Variants in UTP6 observed in about 807,000 individuals in gnomAD.
UTP6 encodes UTP6 small subunit processome component.
UTP6 carries 60 observed loss-of-function variants against 96.5 expected under a neutral mutation model. The ratio of observed to expected loss-of-function variants is 0.62; its 90% CI spans 0.51 to 0.77. The LOEUF is 0.77. UTP6 is among the 30% of genes least tolerant of loss of function. UTP6 has a pLI of 0.00. For synonymous variants in UTP6, 215 were observed against 240.1 expected, an observed-to-expected ratio of 0.90 and a Z score of 0.96; for missense variants, 637 against 706.5, an observed-to-expected ratio of 0.90 and a Z score of 1.12.
At chr17:31,889,495 A>AT (rs375193627) in intron 6 of UTP6, 92 bp from the exon 7 acceptor site, 44,879 of 533,828 alleles carry the variant, frequency 0.084, 163 homozygotes, top group South Asian at 0.094. Context: ...TACTCGCACA[A>AT]TTTTTTTTTT....
intron 10 of UTP6, among the ~76,000 whole-genome samples, chr17:31,882,480 C>T (rs1230196568): frequency 6.6e-6 from 1 of 151,786 alleles, no homozygotes; most frequent in Non-Finnish European, 1.5e-5. Context: ...GCCATCACAC[C>T]AAGCTGATTT....
Position 31,863,416 on chromosome 17 carries a change from T to A in UTP6, c.1737A>T (p.Gly579=). 1 of 1,614,140 alleles carries A rather than the reference T, an allele frequency of 6.2e-7. No individual in the cohort carries two copies. The highest frequency in any genetic ancestry group is 8.5e-7 in the Non-Finnish European group (1 of 1,180,028). Residue 579 remains glycine, a synonymous_variant, in exon 19 of 19, where the codon GGA becomes GGT. Transcript: ENST00000261708. ...IYWRAMKMLQ[G]ESAEAFVAKH... is the part of the protein sequence containing the mutation. ...TAGCTACAAATGCCTCTGCTGACTC[T>A]CCCTGCAACATTTTCATCGCTCGCC...
chr17:31,883,270 G>T lies in UTP6; in HGVS notation c.785+1154C>A, dbSNP rs555490142. ...ATATGAGTATAACTCTCATTTTATG[G>T]ATAAATGCCAGGAAAATAGAATTTA... On this transcript the variant is annotated intron_variant, in intron 10 of 18. Coordinates refer to ENST00000261708, the MANE Select transcript of UTP6 (RefSeq NM_018428.3). Among the ~76,000 whole-genome samples, 3 of 150,682 alleles carry T rather than the reference G, an allele frequency of 2.0e-5. No individual in the cohort carries two copies. In the South Asian group the frequency reaches 6.3e-4, roughly 31 times the overall value.
intron 10 of UTP6, among the ~76,000 whole-genome samples, chr17:31,884,004 T>TA (rs1258309728): frequency 6.7e-6 from 1 of 148,856 alleles, no homozygotes; most frequent in Non-Finnish European, 1.5e-5. Context: ...TGATATTAAT[T>TA]TTTTTTTTTT....
chr17:31,896,283 GA>G (rs1404584753), intron 2 of UTP6, among the ~76,000 whole-genome samples: 10 of 151,924 alleles, frequency 6.6e-5, no homozygotes, highest in African/African-American at 2.4e-4. Flanking sequence ...CCACCATGTT[GA>G]CCAGGCTGAT....
chr17:31,880,430 A>AC (rs1910756037), intron 11 of UTP6, 143 bp downstream of exon 11: 3 of 1,042,964 alleles, frequency 2.9e-6, no homozygotes, highest in Non-Finnish European at 4.0e-6. Flanking sequence ...CCCAATAAAA[A>AC]AAAAAAAAAA....
rs779627678 is a variant in UTP6, at chr17:31,875,278, T to G, written c.1261A>C (p.Ile421Leu). ...AAGGCTTCTTCAAAAAGCATGGCTATGTCAGGGCTCTTTGACTCGATCAGC... is the reference window on the plus strand; with the variant it reads ...AAGGCTTCTTCAAAAAGCATGGCTAGGTCAGGGCTCTTTGACTCGATCAGC... ...QVLIESKSPDIAMLFEEAFVH... is the reference protein window; with the variant it reads ...QVLIESKSPDLAMLFEEAFVH... The change falls in exon 14 of 19, where the codon ATA becomes CTA. Residue 421 changes from isoleucine (I) to leucine (L), a missense_variant. Physicochemically the swap from Ile to Leu is conservative, Grantham distance 5. Coordinates refer to ENST00000261708, the MANE Select transcript of UTP6 (RefSeq NM_018428.3). The G allele has an allele frequency of 1.2e-6, 2 of 1,614,178 alleles. No individual in the cohort carries two copies.
chr17:31,889,465 A>C (rs1465049832), intron 6 of UTP6, 62 bp from the exon 7 acceptor site: 3 of 1,327,454 alleles, frequency 2.3e-6, no homozygotes, highest in Non-Finnish European at 3.1e-6. Flanking sequence ...CAAGAAAAGA[A>C]CCAAATGATC....
intron 10 of UTP6, among the ~76,000 whole-genome samples, chr17:31,884,006 T>TC (rs1910992163): frequency 6.6e-6 from 1 of 150,634 alleles, no homozygotes; most frequent in African/African-American, 2.4e-5. Flanking sequence ...ATATTAATTT[T>TC]TTTTTTTTTT....
intron 12 of UTP6, 102 bp from the exon 13 acceptor site, chr17:31,878,429 AGAAGCT>A: frequency 2.6e-6 from 3 of 1,174,096 alleles, no homozygotes; most frequent in Non-Finnish European, 3.7e-6. Flanking sequence ...TAAAATTCAA[AGAAGCT>A]GACTTGCTCC....
chr17:31,876,254 C>G (rs1324053940), intron 13 of UTP6, among the ~76,000 whole-genome samples: 2 of 151,674 alleles, frequency 1.3e-5, no homozygotes, highest in Non-Finnish European at 2.9e-5. Context: ...CCAGGCTGGT[C>G]TTAAACTCCT....
chr17:31,890,069 C>A (rs1911400402), intron 6 of UTP6, among the ~76,000 whole-genome samples: 2 of 151,968 alleles, frequency 1.3e-5, no homozygotes, highest in Non-Finnish European at 2.9e-5. Flanking sequence ...TGCAGTGGCA[C>A]AAACAACAGC....
At chr17:31,879,996 C>T (rs1402872325) in intron 11 of UTP6, among the ~76,000 whole-genome samples, 5 of 152,160 alleles carry the variant, frequency 3.3e-5, no homozygotes, top group Middle Eastern at 3.4e-3. Flanking sequence ...ATCCCAGCTA[C>T]TCGGGAGGAT....
At position 31,863,309 on chromosome 17, in the gene UTP6, C is replaced by T. The variant is rs373358496; in HGVS notation, c.*50G>A. The stretch of plus-strand genomic sequence containing the variant: ...GATGGACTCAATACAAATTTGCCCA[C>T]GGGGCTTGCTTGCAATACTATTTCA... On this transcript the variant is annotated 3_prime_UTR_variant, in exon 19 of 19. Transcript: ENST00000261708. 103 of 1,595,992 alleles carry T rather than the reference C, an allele frequency of 6.5e-5. No individual in the cohort carries two copies. Among genetic ancestry groups the T allele is most frequent in the African/African-American group, 1.6e-4 (12 of 74,556 alleles).
chr17:31,901,662 T>G lies in UTP6; in HGVS notation c.-35A>C. The G allele has an allele frequency of 6.2e-7, 1 of 1,603,308 alleles. No individual in the cohort carries two copies. Among genetic ancestry groups the G allele is most frequent in the Non-Finnish European group, 8.5e-7 (1 of 1,173,236 alleles). On this transcript the variant is annotated 5_prime_UTR_variant, in exon 1 of 19. Transcript: ENST00000261708. ...GGTCTACAACCCCGCGGGTAGCTTC[T>G]CAACAGCGAACACGAGCAGGAAGCT...
At chr17:31,901,473 C>T in intron 1 of UTP6, 63 bp downstream of exon 1, 1 of 1,520,030 alleles carries the variant, frequency 6.6e-7, no homozygotes, top group Non-Finnish European at 9.1e-7. Flanking sequence ...CTAGCCCCTG[C>T]CACACACTCC....
At chr17:31,888,428 G>A (rs1044436545) in intron 7 of UTP6, among the ~76,000 whole-genome samples, 3 of 152,098 alleles carry the variant, frequency 2.0e-5, no homozygotes, top group Admixed American at 2.0e-4. Flanking sequence ...TTTTTCCCTG[G>A]CCGGGCATGG....
rs531125389 is a variant in UTP6, at chr17:31,891,884, G to A, written c.424+376C>T. Among the ~76,000 whole-genome samples the A allele has an allele frequency of 1.3e-4, 20 of 152,278 alleles. No individual in the cohort carries two copies. In the South Asian group the frequency reaches 3.7e-3, roughly 28 times the overall value. ...CTAAAAATACAAAAATTAGCTGGGC[G>A]TGGTGGCGGGCACCTGTAATCCCAC... On this transcript the variant is annotated intron_variant, in intron 6 of 18. Transcript: ENST00000261708.
Position 31,863,497 on chromosome 17 carries a change from C to T in UTP6, c.1656G>A (p.Met552Ile). ...SADSDLWMDY[M>I]KEELNHPLGR... ...CAAGGGGGTGGTTCAATTCTTCTTT[C>T]ATATAATCCATCCAAAGATCTTTTA... Residue 552 changes from methionine (M) to isoleucine (I), a missense_variant, in exon 19 of 19, where the codon ATG (methionine) becomes ATA (isoleucine). Met to Ile is a conservative substitution (Grantham distance 10, BLOSUM62 1). Coordinates refer to ENST00000261708, the MANE Select transcript of UTP6 (RefSeq NM_018428.3). 1.9e-6 allele frequency: 3 copies of T among 1,609,348 alleles called. No individual in the cohort carries two copies. The highest frequency in any genetic ancestry group is 2.5e-6 in the Non-Finnish European group (3 of 1,178,500).
Sources: gnomAD v4.1 joint callset for allele counts (sites outside exome capture counted in the v4.1 genomes callset) on GRCh38, gnomAD v4.1.1 for gene constraint, MANE v1.5 for transcripts, NCBI Gene and HGNC (gene_info 2026-07-23, HGNC 2026-07-21) for gene names.